AP3D1: variants seen among roughly 807,000 people sequenced by gnomAD.
AP3D1 encodes adaptor related protein complex 3 subunit delta 1.
In AP3D1, 51 loss-of-function variants were observed where a neutral mutation model predicts 147.6. The observed-to-expected ratio is 0.35, with a 90% confidence interval of 0.28 to 0.44. AP3D1 has a LOEUF of 0.44. Among genes scored for constraint, AP3D1 ranks in the 20% least tolerant of loss-of-function variants. AP3D1 has a pLI of 1.00. For synonymous variants in AP3D1, 760 were observed against 663.0 expected, an observed-to-expected ratio of 1.15 and a Z score of -2.25; for missense variants, 1,421 against 1,624.2, an observed-to-expected ratio of 0.87 and a Z score of 2.15.
chr19:2,109,666 G>A (rs1392407504), intron 29 of AP3D1: 3 of 587,082 alleles, frequency 5.1e-6, no homozygotes, highest in Non-Finnish European at 9.2e-6. Flanking sequence ...CTCTATGGGT[G>A]ACGCTGCCTG....
rs1262843783 is a variant in AP3D1 at position 2,123,845 on chromosome 19, G to A, written c.891C>T (p.His297=). The A allele has an allele frequency of 1.9e-6, 3 of 1,577,256 alleles. No homozygotes were observed. Among genetic ancestry groups the A allele is most frequent in the Non-Finnish European group, 2.6e-6 (3 of 1,161,724 alleles). Reference sequence around the variant, plus strand: ...CGGGACGTACCTGGATGCTGGCGCTGTGGTTGGGCATGCCGGAGGACAGCG... The same window carrying A: ...CGGGACGTACCTGGATGCTGGCGCTATGGTTGGGCATGCCGGAGGACAGCG... ...LISLSSGMPN[H]SASIQLCVQK... The change falls in exon 10 of 32, where the codon CAC becomes CAT. Residue 297 remains histidine (H), a synonymous_variant. Transcript: ENST00000643116.
chr19:2,120,166 T>C (rs1483353487), intron 14 of AP3D1, among the ~76,000 whole-genome samples: 2 of 152,054 alleles, frequency 1.3e-5, no homozygotes, highest in Non-Finnish European at 2.9e-5. Flanking sequence ...GCAAATCTCA[T>C]AAATTTCCAA....
intron 14 of AP3D1, among the ~76,000 whole-genome samples, chr19:2,119,487 A>G (rs2145060432): frequency 6.6e-6 from 1 of 151,880 alleles, no homozygotes; most frequent in South Asian, 2.1e-4. Flanking sequence ...AGGTCAACAG[A>G]TCGAGACCAT....
At chr19:2,115,516 C>T (rs1210393447) in intron 19 of AP3D1, 22 bp downstream of exon 19, 2 of 1,612,040 alleles carry the variant, frequency 1.2e-6, no homozygotes, top group Admixed American at 3.3e-5. Flanking sequence ...AAATGCGGCG[C>T]CGACACACCG....
rs75223679 is a variant in AP3D1, at chr19:2,117,076, G to C, written c.1859+146C>G. Reference sequence around the variant, plus strand: ...AACCAGTGAGAGACCTGGTGAGTCCGTGTGAGGGATATACCCGCCTGAGGC... The same window carrying C: ...AACCAGTGAGAGACCTGGTGAGTCCCTGTGAGGGATATACCCGCCTGAGGC... On this transcript the variant is annotated intron_variant, in intron 16 of 31. Coordinates refer to ENST00000643116, the MANE Select transcript of AP3D1 (RefSeq NM_001261826.3). 233 of 1,058,844 alleles carry C rather than the reference G, an allele frequency of 2.2e-4. 1 individual carries two copies. Among genetic ancestry groups the C allele is most frequent in the Non-Finnish European group, 6.3e-5 (48 of 757,078 alleles). 65.6% of individuals were successfully genotyped at this position (1,058,844 alleles called of 1,614,324 possible).
chr19:2,141,981 CAT>C (rs960633408), intron 1 of AP3D1, among the ~76,000 whole-genome samples: 9 of 149,482 alleles, frequency 6.0e-5, no homozygotes, highest in Middle Eastern at 3.6e-3. Context: ...TACTTGTTTA[CAT>C]ATATATACAT....
chr19:2,144,667 G>C (rs767090933), intron 1 of AP3D1, among the ~76,000 whole-genome samples: 19 of 152,140 alleles, frequency 1.2e-4, no homozygotes, highest in Non-Finnish European at 2.2e-4. Context: ...CAGCACTTTG[G>C]GAGGCCGAGC....
At chr19:2,105,627 CTG>C (rs112737302) in intron 31 of AP3D1, among the ~76,000 whole-genome samples, 18,946 of 152,162 alleles carry the variant, frequency 0.12, 1,292 homozygotes, top group Non-Finnish European at 0.16. Flanking sequence ...GCTCTGAAGA[CTG>C]TGAGATCCCT....
At position 2,108,627 on chromosome 19, in the gene AP3D1, T is replaced by C. The variant is rs986663872; in HGVS notation, c.3552+60A>G. On this transcript the variant is annotated intron_variant, in intron 31 of 31. Coordinates refer to ENST00000643116, the MANE Select transcript of AP3D1 (RefSeq NM_001261826.3). Reference sequence around the variant, plus strand: ...AAGCGCGCCTCTGGGGATGAAGGCCTGGGCATGACCCCAGGAGAGGTGGCA... The same window carrying C: ...AAGCGCGCCTCTGGGGATGAAGGCCCGGGCATGACCCCAGGAGAGGTGGCA... 7 of 1,498,794 alleles carry C rather than the reference T, an allele frequency of 4.7e-6. No homozygotes were observed. The Admixed American group carries it at 9.9e-5, about 21-fold the overall frequency. The allele number at this position is 1,498,794 out of a possible 1,614,324, so 92.8% of individuals were successfully genotyped here.
upstream of AP3D1, among the ~76,000 whole-genome samples, chr19:2,152,825 G>C (rs927361650): frequency 6.6e-6 from 1 of 151,956 alleles, no homozygotes; most frequent in African/African-American, 2.4e-5. Flanking sequence ...GCAGTGAGCC[G>C]AGATCGCGCC....
At chr19:2,104,307 C>CACTGAGACACCA (rs2018046082) in intron 31 of AP3D1, among the ~76,000 whole-genome samples, 1 of 135,410 alleles carries the variant, frequency 7.4e-6, no homozygotes, top group Non-Finnish European at 1.7e-5. Flanking sequence ...AAGACACCAA[C>CACTGAGACACCA]ACGCAGACCC....
upstream of AP3D1, among the ~76,000 whole-genome samples, chr19:2,155,945 C>T (rs2019641782): frequency 2.0e-5 from 3 of 149,752 alleles, no homozygotes; most frequent in South Asian, 6.3e-4. Context: ...CCCAGCTACT[C>T]GGGAGGCTGA....
intron 17 of AP3D1, 119 bp downstream of exon 17, chr19:2,116,486 C>T (rs2018453031): frequency 1.5e-6 from 2 of 1,337,640 alleles, no homozygotes; most frequent in Non-Finnish European, 2.0e-6. Context: ...GGCAGGGACG[C>T]CCATGCCTCC....
chr19:2,164,244 C>A, intron 1 of AP3D1: 1 of 1,283,428 alleles, frequency 7.8e-7, no homozygotes, highest in Non-Finnish European at 9.9e-7. Context: ...CCGCCGTCTA[C>A]CCGTGGCCGC....
chr19:2,153,254 A>G (rs1426735107), upstream of AP3D1, among the ~76,000 whole-genome samples: 4 of 151,618 alleles, frequency 2.6e-5, no homozygotes, highest in Non-Finnish European at 5.9e-5. Context: ...GGCACCTGTA[A>G]TTCCAGCCAC....
At chr19:2,155,046 G>A (rs1470208155), upstream of AP3D1, among the ~76,000 whole-genome samples, 2 of 152,068 alleles carry the variant, frequency 1.3e-5, no homozygotes, top group African/African-American at 4.8e-5. Flanking sequence ...CGGGCGTGGT[G>A]GCGAGCACCT....
At chr19:2,123,753 G>T in intron 10 of AP3D1, 77 bp downstream of exon 10, 2 of 1,513,608 alleles carry the variant, frequency 1.3e-6, no homozygotes, top group Non-Finnish European at 1.8e-6. Context: ...GTCACAGGGT[G>T]GGCAAGCTCC....
At chr19:2,152,573 G>C (rs1255445936), upstream of AP3D1, among the ~76,000 whole-genome samples, 1 of 150,516 alleles carries the variant, frequency 6.6e-6, no homozygotes, top group Non-Finnish European at 1.5e-5. Flanking sequence ...GAAAGTAATC[G>C]CAATAAAAAC....
chr19:2,108,021 C>A (rs1406725800), intron 31 of AP3D1, among the ~76,000 whole-genome samples: 1 of 152,148 alleles, frequency 6.6e-6, no homozygotes, highest in Non-Finnish European at 1.5e-5. Context: ...TAAAAGCCTG[C>A]AGAAAAGGAA....
Sources: allele counts gnomAD v4.1 joint callset (sites outside exome capture counted in the v4.1 genomes callset), GRCh38; gene constraint gnomAD v4.1.1; transcripts MANE v1.5; gene names NCBI Gene and HGNC (gene_info 2026-07-23, HGNC 2026-07-21).